The following ATXN3 variants were observed in gnomAD, a reference collection of about 807,000 sequenced individuals.
ATXN3 encodes the protein ataxin-3.
Under a neutral mutation model 58.2 loss-of-function variants are expected in ATXN3, and 28 were observed. That is an observed-to-expected ratio of 0.48 (90% CI 0.36 to 0.66). ATXN3 has a LOEUF of 0.66. ATXN3 is among the 30% of genes least tolerant of loss of function. The probability of loss-of-function intolerance (pLI) is 0.00; values close to 1 mark genes in which losing one functional copy is unlikely to be tolerated. For missense variants in ATXN3, 321 were observed against 422.1 expected (o/e 0.76, Z 2.10); for synonymous variants, 113 against 138.5 (o/e 0.82, Z 1.29).
intron 1 of ATXN3, among the ~76,000 whole-genome samples, chr14:92,105,297 TC>T (rs2068011726): frequency 6.6e-6 from 1 of 152,020 alleles, no homozygotes; most frequent in African/African-American, 2.4e-5. Flanking sequence ...GCACCTGTAG[TC>T]CCAGCTACTC....
At chr14:92,103,106 G>T (rs1292956480) in intron 1 of ATXN3, among the ~76,000 whole-genome samples, 1 of 122,808 alleles carries the variant, frequency 8.1e-6, no homozygotes, top group African/African-American at 2.9e-5. Flanking sequence ...ATCAGCAAGA[G>T]GATTAAAAAA....
chr14:92,098,842 T>G (rs561765335), intron 1 of ATXN3, among the ~76,000 whole-genome samples: 1 of 152,258 alleles, frequency 6.6e-6, no homozygotes, highest in African/African-American at 2.4e-5. Flanking sequence ...TCAGCTCCCA[T>G]GGGATGACAG....
At chr14:92,056,262 G>C (rs1356141184), downstream of ATXN3, among the ~76,000 whole-genome samples, 1 of 152,182 alleles carries the variant, frequency 6.6e-6, no homozygotes, top group African/African-American at 2.4e-5. Context: ...GCTCAGCTTG[G>C]ATTATAGTAC....
chr14:92,082,984 A>G, intron 7 of ATXN3, 142 bp downstream of exon 7: 2 of 1,021,078 alleles, frequency 2.0e-6, no homozygotes, highest in Non-Finnish European at 1.4e-6. Flanking sequence ...ATTCAAGTTT[A>G]AACTAATAAA....
At chr14:92,079,400 C>CT in intron 9 of ATXN3, 1 of 958,108 alleles carries the variant, frequency 1.0e-6, no homozygotes, top group Non-Finnish European at 1.2e-6. Context: ...TGAATAAAGA[C>CT]TAGAAATATC....
At chr14:92,095,002 TCA>T (rs1370621869) in intron 3 of ATXN3, among the ~76,000 whole-genome samples, 1 of 151,434 alleles carries the variant, frequency 6.6e-6, no homozygotes, top group African/African-American at 2.4e-5. Flanking sequence ...TGGATACAAC[TCA>T]CAGTGTTAGA....
Position 92,088,791 on chromosome 14 carries a change from C to T in ATXN3, c.414G>A (p.Thr138=), listed in dbSNP as rs780604497. 1 of 1,611,110 alleles carries T rather than the reference C, an allele frequency of 6.2e-7. No homozygotes were observed. The highest frequency in any genetic ancestry group is 8.5e-7 in the Non-Finnish European group (1 of 1,177,900). The change falls in exon 6 of 11, where the codon ACG becomes ACA. Residue 138 remains threonine, a synonymous_variant. Transcript: ENST00000644486. ...ATGTATCTGATATTAATTCTGGACC[C>T]GTCAAGAGAGAATTCAAGTTAAACC... ...KQWFNLNSLL[T]GPELISDTYL... is the part of the protein sequence containing the mutation.
intron 1 of ATXN3, among the ~76,000 whole-genome samples, chr14:92,102,844 T>G (rs183209452): frequency 1.3e-5 from 2 of 152,168 alleles, no homozygotes; most frequent in Non-Finnish European, 2.9e-5. Flanking sequence ...GGCAGAGGTT[T>G]CAAAACCTGT....
At chr14:92,097,231 A>AT (rs757477224) in intron 1 of ATXN3, among the ~76,000 whole-genome samples, 16,364 of 138,890 alleles carry the variant, frequency 0.12, 1,180 homozygotes, top group African/African-American at 0.22. Flanking sequence ...TTAATCATTA[A>AT]TTTTTTTTTT....
chr14:92,103,935 A>G (rs2067478517), intron 1 of ATXN3, among the ~76,000 whole-genome samples: 1 of 152,212 alleles, frequency 6.6e-6, no homozygotes, highest in African/African-American at 2.4e-5. Flanking sequence ...AAAATGGCAC[A>G]GTAAGCCCAA....
At chr14:92,080,633 A>G (rs2061295237) in intron 9 of ATXN3, 2 of 338,422 alleles carry the variant, frequency 5.9e-6, no homozygotes, top group Non-Finnish European at 1.2e-5. Flanking sequence ...TCCCGGGTTC[A>G]AGCAATTCTC....
chr14:92,088,874 T>C, intron 5 of ATXN3, 57 bp from the exon 6 acceptor site: 2 of 1,005,002 alleles, frequency 2.0e-6, no homozygotes, highest in Non-Finnish European at 3.1e-6. Flanking sequence ...TAAGGAAGTT[T>C]CACATGTTAA....
In ATXN3 at chr14:92,076,939, C is replaced by CAAAAAAAAAA. The variant is rs1157708694; in HGVS notation, c.872+4016_872+4025dup. Among the ~76,000 whole-genome samples, 109 of 59,612 alleles carry CAAAAAAAAAA rather than the reference C, an allele frequency of 1.8e-3. 2 individuals carry two copies. The highest frequency in any genetic ancestry group is 3.8e-3 in the East Asian group (7 of 1,846). The allele number at this position is 59,612 out of a possible 152,430, so 39.1% of individuals were successfully genotyped here. A position where few individuals can be genotyped will look rare whatever the true frequency, so the allele number is the denominator to read the frequency against. On this transcript the variant is annotated intron_variant, in intron 9 of 10. Transcript: ENST00000644486. ...TGGGTGACAGAGTGAGATTTCGTCT[C>CAAAAAAAAAA]AAAAAAAAAAAAAAAAAAAAGTCTG...
In ATXN3 at chr14:92,083,209, G is replaced by A. The variant is rs2061779536; in HGVS notation, c.525C>T (p.Asp175=). The A allele has an allele frequency of 6.2e-7, 1 of 1,613,650 alleles. No individual in the cohort carries two copies. Among genetic ancestry groups the A allele is most frequent in the South Asian group, 1.1e-5 (1 of 90,976 alleles). ...GGACCCTAATCATCTGCAGGAGTTG[G>A]TCAGCTTCGCAATCTGGCAGATCAC... The part of the protein sequence containing the change: ...VKGDLPDCEA[D]QLLQMIRVQQ... The change falls in exon 7 of 11, where the codon GAC becomes GAT. Residue 175 remains aspartate (D), a synonymous_variant. Coordinates refer to ENST00000644486, the MANE Select transcript of ATXN3 (RefSeq NM_004993.6).
chr14:92,096,078 C>T lies in ATXN3; in HGVS notation c.234+15G>A, dbSNP rs1384197785. On this transcript the variant is annotated intron_variant, in intron 3 of 10. Transcript: ENST00000644486. The stretch of plus-strand genomic sequence containing the variant: ...GGATGTAAGCAACACATAGTACATG[C>T]TTGTGACTACTTACCTGAATAGAGA... 7.1e-7 allele frequency: 1 copy of T among 1,400,478 alleles called. No individual in the cohort carries two copies. Among genetic ancestry groups the T allele is most frequent in the Non-Finnish European group, 9.7e-7 (1 of 1,034,082 alleles). 86.8% of individuals were successfully genotyped at this position (1,400,478 alleles called of 1,614,324 possible). A position where few individuals can be genotyped will look rare whatever the true frequency, so the allele number is the denominator to read the frequency against.
chr14:92,102,910 G>A (rs1439834664), intron 1 of ATXN3, among the ~76,000 whole-genome samples: 4 of 152,136 alleles, frequency 2.6e-5, no homozygotes, highest in African/African-American at 9.7e-5. Context: ...AAGCTCAAAT[G>A]TCCTAAAGAT....
intron 1 of ATXN3, among the ~76,000 whole-genome samples, chr14:92,098,104 C>T (rs1384957519): frequency 2.6e-5 from 4 of 152,030 alleles, no homozygotes; most frequent in African/African-American, 9.7e-5. Flanking sequence ...CAGTAAATTA[C>T]TAATGGTGAA....
intron 1 of ATXN3, among the ~76,000 whole-genome samples, chr14:92,100,404 T>C (rs1485948977): frequency 6.6e-6 from 1 of 152,098 alleles, no homozygotes; most frequent in African/African-American, 2.4e-5. Context: ...CAGATAGCAT[T>C]ACTATTTGTA....
In ATXN3 at chr14:92,063,105, C is replaced by T. The variant is rs1266259996; in HGVS notation, c.*1215G>A. On this transcript the variant is annotated 3_prime_UTR_variant, in exon 11 of 11. Transcript: ENST00000644486. ...AATATTTATCAAAACTATGGACTTT[C>T]TTATTTATAGATCCACTAAGTACTG... The T allele has an allele frequency of 6.6e-6, 1 of 152,606 alleles. No individual in the cohort carries two copies. The highest frequency in any genetic ancestry group is 1.5e-5 in the Non-Finnish European group (1 of 68,026). The allele number at this position is 152,606 out of a possible 1,614,324, so 9.5% of individuals were successfully genotyped here.
Sources: allele counts gnomAD v4.1 joint callset (sites outside exome capture counted in the v4.1 genomes callset), GRCh38; gene constraint gnomAD v4.1.1; transcripts MANE v1.5; gene names NCBI Gene and HGNC (gene_info 2026-07-23, HGNC 2026-07-21).